HCFC1R1: variants seen among roughly 807,000 people sequenced by gnomAD.
HCFC1R1 encodes the protein host cell factor C1 regulator 1, also known as HCF-1 beta-propeller-interacting protein.
A neutral mutation model predicts 13.3 loss-of-function variants in HCFC1R1; 17 were observed. The ratio of observed to expected loss-of-function variants is 1.28; its 90% CI spans 0.87 to 1.91. The LOEUF is 1.91. Among genes scored for constraint, HCFC1R1 ranks in the 40% most tolerant of loss-of-function variants. The pLI is 0.00. For missense variants in HCFC1R1, 218 were observed against 177.9 expected, an observed-to-expected ratio of 1.23 and a Z score of -1.28; for synonymous variants, 87 against 71.1, an observed-to-expected ratio of 1.22 and a Z score of -1.12.
chr16:3,023,325 G>A lies in HCFC1R1; in HGVS notation c.189C>T (p.Asn63=), dbSNP rs781720624. 1.2e-6 allele frequency: 2 copies of A among 1,602,878 alleles called. No individual in the cohort carries two copies. The highest frequency in any genetic ancestry group is 1.3e-5 in the African/African-American group (1 of 74,704). Reference sequence around the variant, plus strand: ...TGAGTTGAGAGAAGTGGGTGGCCATGTTCTCCTCAGACAGAAACTGCTTGC... The same window carrying A: ...TGAGTTGAGAGAAGTGGGTGGCCATATTCTCCTCAGACAGAAACTGCTTGC... ...PLRKQFLSEE[N]MATHFSQLSL... The change falls in exon 3 of 4, where the codon AAC becomes AAT. Residue 63 remains asparagine (N), a synonymous_variant. Transcript: ENST00000248089.
chr16:3,024,260 T>A, upstream of HCFC1R1: 19 of 1,602,954 alleles, frequency 1.2e-5, no homozygotes, highest in Non-Finnish European at 1.6e-5. Flanking sequence ...GAGGAACCGC[T>A]CTAGGCACGT....
Position 3,022,709 on chromosome 16 carries a change from C to A in HCFC1R1, c.*154G>T. The A allele has an allele frequency of 9.0e-6, 5 of 554,554 alleles. No individual in the cohort carries two copies. The highest frequency in any genetic ancestry group is 1.5e-5 in the Non-Finnish European group (5 of 338,736). The allele number at this position is 554,554 out of a possible 1,614,324, so 34.4% of individuals were successfully genotyped here. A position where few individuals can be genotyped will look rare whatever the true frequency, so the allele number is the denominator to read the frequency against. On this transcript the variant is annotated 3_prime_UTR_variant, in exon 4 of 4. Coordinates refer to ENST00000248089, the MANE Select transcript of HCFC1R1 (RefSeq NM_017885.4). ...TGCTCCCACCCCTCCCATCCCAGAA[C>A]TCCGTTGGGCTCAGTGTCCTCTGTT...
chr16:3,024,027 A>C, upstream of HCFC1R1: 1 of 1,080,960 alleles, frequency 9.3e-7, no homozygotes, highest in Non-Finnish European at 1.3e-6. Flanking sequence ...GCGTGGCTTT[A>C]GGCGGGCACA....
intron 1 of HCFC1R1, 136 bp downstream of exon 1, chr16:3,023,711 C>A (rs1428137572): frequency 4.9e-6 from 5 of 1,029,982 alleles, no homozygotes; most frequent in Non-Finnish European, 7.1e-6. Context: ...TCAGCCGCAG[C>A]CCCAGTCCCA....
chr16:3,023,065 T>C, intron 3 of HCFC1R1, 67 bp from the exon 4 acceptor site: 1 of 1,558,738 alleles, frequency 6.4e-7, no homozygotes, highest in East Asian at 2.3e-5. Context: ...TCCCACCAGG[T>C]CCAGGTCCCC....
chr16:3,024,208 G>A, upstream of HCFC1R1: 4 of 1,294,106 alleles, frequency 3.1e-6, no homozygotes, highest in Admixed American at 1.9e-5. Flanking sequence ...GGGACGGTAC[G>A]CACCAGCCAC....
In HCFC1R1 at chr16:3,023,879, G is replaced by T. The variant is rs1296059553; in HGVS notation, c.63C>A (p.Ala21=). Reference sequence around the variant, plus strand: ...CCAGGCCCCAAGTCACCCCCAAGGCGGCCCGCGGGAGGCGCTGGGCCCCTC... The same window carrying T: ...CCAGGCCCCAAGTCACCCCCAAGGCTGCCCGCGGGAGGCGCTGGGCCCCTC... ...PQGGAQRLPR[A]ALGVTWGLDA... Residue 21 remains alanine (A), a synonymous_variant, in exon 1 of 4, where the codon GCC becomes GCA. Coordinates refer to ENST00000248089, the MANE Select transcript of HCFC1R1 (RefSeq NM_017885.4). 3.2e-6 allele frequency: 5 copies of T among 1,553,646 alleles called. No individual in the cohort carries two copies. The Admixed American group carries it at 5.7e-5, about 18-fold the overall frequency.
chr16:3,023,575 T>C, intron 1 of HCFC1R1, 45 bp from the exon 2 acceptor site: 1 of 1,518,200 alleles, frequency 6.6e-7, no homozygotes, highest in Non-Finnish European at 8.8e-7. Context: ...TCTTGGCCCC[T>C]TCCCAAGGAT....
upstream of HCFC1R1, chr16:3,024,192 G>C: frequency 9.1e-7 from 1 of 1,104,774 alleles, no homozygotes; most frequent in Non-Finnish European, 1.3e-6. Context: ...TCGGCTCCTA[G>C]GGTTCGGGAC....
chr16:3,023,997 G>A (rs1396016546), upstream of HCFC1R1: 1 of 1,332,294 alleles, frequency 7.5e-7, no homozygotes, highest in Non-Finnish European at 1.0e-6. Flanking sequence ...GTCTCTGAGG[G>A]CGTGGCCAAG....
At chr16:3,023,126 C>T in intron 3 of HCFC1R1, 107 bp downstream of exon 3, 1 of 1,508,896 alleles carries the variant, frequency 6.6e-7, no homozygotes, top group Non-Finnish European at 9.0e-7. Flanking sequence ...TGGGAAACAA[C>T]CCAGAGGTCA....
rs1596471339 is a variant in HCFC1R1 at position 3,022,770 on chromosome 16, A to G, written c.*93T>C. ...CTTGGTGCCCAGATGCCTACTCTGC[A>G]GGAGAGGGAGGAACCTTGTCCCTTT... On this transcript the variant is annotated 3_prime_UTR_variant, in exon 4 of 4. Coordinates refer to ENST00000248089, the MANE Select transcript of HCFC1R1 (RefSeq NM_017885.4). 5.1e-6 allele frequency: 6 copies of G among 1,180,794 alleles called. No individual in the cohort carries two copies. Among genetic ancestry groups the G allele is most frequent in the Admixed American group, 3.9e-5 (1 of 25,322 alleles). The allele number at this position is 1,180,794 out of a possible 1,614,324, so 73.1% of individuals were successfully genotyped here. A position where few individuals can be genotyped will look rare whatever the true frequency, so the allele number is the denominator to read the frequency against.
chr16:3,023,330 C>A lies in HCFC1R1; in HGVS notation c.184G>T (p.Glu62Ter). ...EPLRKQFLSEENMATHFSQLS... is the reference protein window; with the variant it reads ...EPLRKQFLSE ...TGAGAGAAGTGGGTGGCCATGTTCT[C>A]CTCAGACAGAAACTGCTTGCGCAGA... The change falls in exon 3 of 4, where the codon GAG (glutamate) becomes TAG (stop). Residue 62 changes from glutamate (E) to a stop codon, truncating the protein, a stop_gained. Coordinates refer to ENST00000248089, the MANE Select transcript of HCFC1R1 (RefSeq NM_017885.4). LOFTEE classifies it high-confidence loss of function. 6.2e-7 allele frequency: 1 copy of A among 1,604,676 alleles called. No homozygotes were observed. Among genetic ancestry groups the A allele is most frequent in the Non-Finnish European group, 8.5e-7 (1 of 1,173,866 alleles).
Position 3,022,925 on chromosome 16 carries a change from G to A in HCFC1R1, c.355C>T (p.Leu119=). ...TAGGGGGGACTGGGGGTGTCCCCCAGCCTCAGCAGACGGAGGGCCTCAGGG... is the reference window on the plus strand; with the variant it reads ...TAGGGGGGACTGGGGGTGTCCCCCAACCTCAGCAGACGGAGGGCCTCAGGG... The part of the protein sequence containing the change: ...LIPEALRLLR[L]GDTPSPPYPA... Residue 119 remains leucine (L), a synonymous_variant, in exon 4 of 4, where the codon CTG becomes TTG. Coordinates refer to ENST00000248089, the MANE Select transcript of HCFC1R1 (RefSeq NM_017885.4). 1 of 1,572,400 alleles carries A rather than the reference G, an allele frequency of 6.4e-7. No homozygotes were observed. Among genetic ancestry groups the A allele is most frequent in the Middle Eastern group, 1.7e-4 (1 of 5,920 alleles).
intron 1 of HCFC1R1, 35 bp downstream of exon 1, chr16:3,023,812 C>T (rs1458391410): frequency 4.1e-6 from 6 of 1,476,088 alleles, no homozygotes; most frequent in African/African-American, 1.4e-5. Context: ...CTCCTGCGGC[C>T]CTTGGTCAGG....
At position 3,023,534 on chromosome 16, in the gene HCFC1R1, G is replaced by C; in HGVS notation, c.96-4C>G. ...CACAGCTCCTCGGAGAGGGGAGCTG[G>C]GAAAAAAAGAGAGCCTGGTGCACCC... On this transcript the variant is annotated splice_region_variant and splice_polypyrimidine_tract_variant and intron_variant, in intron 1 of 3. Coordinates refer to ENST00000248089, the MANE Select transcript of HCFC1R1 (RefSeq NM_017885.4). The C allele has an allele frequency of 3.8e-6, 6 of 1,575,506 alleles. No homozygotes were observed. Among genetic ancestry groups the C allele is most frequent in the Non-Finnish European group, 5.2e-6 (6 of 1,160,090 alleles).
Position 3,023,369 on chromosome 16 carries a change from G to C in HCFC1R1, c.153-8C>G. ...TGCTTGCGCAGAGGCTCCCTGGGGA[G>C]AGATGGCAGAGAGGCAGGCTGGGAT... On this transcript the variant is annotated splice_region_variant and splice_polypyrimidine_tract_variant and intron_variant, in intron 2 of 3. Coordinates refer to ENST00000248089, the MANE Select transcript of HCFC1R1 (RefSeq NM_017885.4). 1 of 1,611,658 alleles carries C rather than the reference G, an allele frequency of 6.2e-7. No homozygotes were observed. Among genetic ancestry groups the C allele is most frequent in the Non-Finnish European group, 8.5e-7 (1 of 1,178,478 alleles).
Position 3,022,685 on chromosome 16 carries a change from G to A in HCFC1R1, c.*178C>T. ...GGGGGTGGGATGCCTCCCTTCCCAT[G>A]CTCCCACCCCTCCCATCCCAGAACT... On this transcript the variant is annotated 3_prime_UTR_variant, in exon 4 of 4. Coordinates refer to ENST00000248089, the MANE Select transcript of HCFC1R1 (RefSeq NM_017885.4). 4.0e-6 allele frequency: 2 copies of A among 494,454 alleles called. No homozygotes were observed. The highest frequency in any genetic ancestry group is 3.6e-5 in the East Asian group (1 of 27,636). 30.6% of individuals were successfully genotyped at this position (494,454 alleles called of 1,614,324 possible). A position where few individuals can be genotyped will look rare whatever the true frequency, so the allele number is the denominator to read the frequency against.
chr16:3,024,244 C>A, upstream of HCFC1R1: 4 of 1,576,106 alleles, frequency 2.5e-6, no homozygotes, highest in South Asian at 3.3e-5. Flanking sequence ...GGTAGGGCGC[C>A]ACGGAGAGGA....
Sources: allele counts gnomAD v4.1 joint callset, GRCh38; gene constraint gnomAD v4.1.1; transcripts MANE v1.5; gene names NCBI Gene and HGNC (gene_info 2026-07-23, HGNC 2026-07-21).